The following SNX29 variants were observed in gnomAD, a reference collection of about 807,000 sequenced individuals.
The protein encoded by SNX29 is sorting nexin 29, also known as sorting nexin-29.
Under a neutral mutation model 102.1 loss-of-function variants are expected in SNX29, and 78 were observed. The ratio of observed to expected loss-of-function variants is 0.76; its 90% confidence interval spans 0.64 to 0.92. The LOEUF (loss-of-function observed/expected upper bound fraction) is 0.92, where lower values mean the gene tolerates loss of function less well. SNX29 is among the 40% of genes least tolerant of loss of function. SNX29 has a pLI of 0.00. For missense variants in SNX29, 1,280 were observed against 1,061.7 expected, an observed-to-expected ratio of 1.21 and a Z score of -2.86; for synonymous variants, 580 against 414.5, an observed-to-expected ratio of 1.40 and a Z score of -4.85.
intron 15 of SNX29, among the ~76,000 whole-genome samples, chr16:12,315,887 T>G (rs1359466361): frequency 6.6e-6 from 1 of 152,244 alleles, no homozygotes; most frequent in African/African-American, 2.4e-5. Flanking sequence ...AGGAGGCATC[T>G]CTTCTGGGTC....
chr16:12,055,860 A>G (rs933549277), intron 8 of SNX29, among the ~76,000 whole-genome samples: 1 of 152,202 alleles, frequency 6.6e-6, no homozygotes, highest in Non-Finnish European at 1.5e-5. Context: ...AAATTGACAC[A>G]TACAATTAAC....
In SNX29 at chr16:11,997,480, C is replaced by CT. The variant is rs55693728; in HGVS notation, c.8-1802dup. 7.7e-3 allele frequency among the ~76,000 whole-genome samples: 1,105 copies of CT among 144,118 alleles called. 13 individuals are homozygous for CT. The highest frequency in any genetic ancestry group is 0.013 in the African/African-American group (532 of 39,430). The allele number at this position is 144,118 out of a possible 152,430, so 94.5% of individuals were successfully genotyped here. A position where few individuals can be genotyped will look rare whatever the true frequency, so the allele number is the denominator to read the frequency against. On this transcript the variant is annotated intron_variant, in intron 1 of 20. Coordinates refer to ENST00000566228, the MANE Select transcript of SNX29 (RefSeq NM_032167.5). ...TTTCATTGATTAGTTTACATTTATA[C>CT]TTTTTTTTTTTTTTTGAGATAGGGC... is the stretch of plus-strand genomic sequence containing the variant.
At chr16:11,994,564 C>G (rs1172809414) in intron 1 of SNX29, among the ~76,000 whole-genome samples, 1 of 152,210 alleles carries the variant, frequency 6.6e-6, no homozygotes, top group African/African-American at 2.4e-5. Flanking sequence ...GAGTCTAGCC[C>G]TGGGTAAAGG....
At chr16:12,522,064 C>T (rs1434793731) in intron 19 of SNX29, among the ~76,000 whole-genome samples, 3 of 152,118 alleles carry the variant, frequency 2.0e-5, no homozygotes, top group South Asian at 2.1e-4. Flanking sequence ...CCCCGAGGGG[C>T]CCCTGCTGGC....
chr16:12,568,573 TCCCGGGGTCAGC>T lies in SNX29; in HGVS notation c.2393_2404del (p.Gly798_Arg801del), dbSNP rs1299208349. ...AGCAGCTTCCCGCTTCCCCAAACTG[TCCCGGGGTCAGC>T]CCCGGGAGACCCGCAACGTGGAGCC... On this transcript the variant is annotated inframe_deletion, in exon 21 of 21. Coordinates refer to ENST00000566228, the MANE Select transcript of SNX29 (RefSeq NM_032167.5). The T allele has an allele frequency of 1.2e-6, 2 of 1,607,842 alleles. No individual in the cohort carries two copies. The highest frequency in any genetic ancestry group is 1.7e-6 in the Non-Finnish European group (2 of 1,179,808).
chr16:12,525,980 G>A, intron 20 of SNX29, among the ~76,000 whole-genome samples: 1 of 152,188 alleles, frequency 6.6e-6, no homozygotes, highest in African/African-American at 2.4e-5. Flanking sequence ...TTGGAATTAG[G>A]GGAACCAAAA....
chr16:12,230,256 A>G (rs2077729277), intron 14 of SNX29, among the ~76,000 whole-genome samples: 1 of 152,262 alleles, frequency 6.6e-6, no homozygotes, highest in Non-Finnish European at 1.5e-5. Context: ...GCTTGTTCTT[A>G]AACTTGAGAA....
At chr16:12,196,602 A>G (rs1265609993) in intron 13 of SNX29, among the ~76,000 whole-genome samples, 6 of 144,538 alleles carry the variant, frequency 4.2e-5, no homozygotes. Flanking sequence ...CACTTTTTTT[A>G]CTTTTCTTTT....
chr16:12,082,963 G>C (rs2051982454), intron 11 of SNX29, among the ~76,000 whole-genome samples: 1 of 152,014 alleles, frequency 6.6e-6, no homozygotes, highest in Non-Finnish European at 1.5e-5. Context: ...TATTTGCTTG[G>C]GCTACCATAA....
At chr16:12,241,391 G>T (rs748701680) in intron 14 of SNX29, among the ~76,000 whole-genome samples, 21 of 152,200 alleles carry the variant, frequency 1.4e-4, no homozygotes, top group South Asian at 4.2e-4. Flanking sequence ...ACAATGGCAT[G>T]ATCAAGGACT....
At chr16:12,558,218 G>A (rs185674954) in intron 20 of SNX29, among the ~76,000 whole-genome samples, 18 of 67,252 alleles carry the variant, frequency 2.7e-4, no homozygotes, top group Non-Finnish European at 5.4e-4. Flanking sequence ...AACCATCACA[G>A]AGCCTCTCTT....
chr16:12,485,751 T>C (rs1486885832), intron 19 of SNX29, among the ~76,000 whole-genome samples: 1 of 152,140 alleles, frequency 6.6e-6, no homozygotes, highest in Non-Finnish European at 1.5e-5. Context: ...GGCAGTCTTG[T>C]AGGGAGGATG....
rs184965587 is a variant in SNX29, at chr16:12,262,740, C to T, written c.1679-15193C>T. ...GCACTTTCTGTGCTCTGGACTTAGG[C>T]ATTTGAATTGTTTTAATGCAGATGG... On this transcript the variant is annotated intron_variant, in intron 14 of 20. Coordinates refer to ENST00000566228, the MANE Select transcript of SNX29 (RefSeq NM_032167.5). Among the ~76,000 whole-genome samples, 62 of 152,322 alleles carry T rather than the reference C, an allele frequency of 4.1e-4. 1 individual carries two copies. The East Asian group carries it at 0.01, about 25-fold the overall frequency.
chr16:12,403,375 C>T, intron 17 of SNX29, 73 bp from the exon 18 acceptor site: 1 of 1,449,872 alleles, frequency 6.9e-7, no homozygotes. Flanking sequence ...TGTCTCCTTT[C>T]CTCTTTTTTA....
At chr16:12,561,678 C>G (rs148605810) in intron 20 of SNX29, among the ~76,000 whole-genome samples, 2 of 152,024 alleles carry the variant, frequency 1.3e-5, no homozygotes, top group Non-Finnish European at 2.9e-5. Context: ...TGCCCTCACA[C>G]ACAGACCCCC....
Position 12,527,158 on chromosome 16 carries a change from C to G in SNX29, c.2318+2317C>G, listed in dbSNP as rs768531048. On this transcript the variant is annotated intron_variant, in intron 20 of 20. Coordinates refer to ENST00000566228, the MANE Select transcript of SNX29 (RefSeq NM_032167.5). ...ATCCCACAGCCCCCTTCTCCTTCTT[C>G]CTTTTTGAGCAGGATGGGATTACAG... 9.2e-5 allele frequency: 48 copies of G among 519,716 alleles called. 3 individuals carry two copies. Among genetic ancestry groups the G allele is most frequent in the South Asian group, 7.0e-4 (45 of 64,256 alleles). The allele number at this position is 519,716 out of a possible 1,614,324, so 32.2% of individuals were successfully genotyped here.
intron 19 of SNX29, among the ~76,000 whole-genome samples, chr16:12,519,956 C>G (rs1486199789): frequency 6.6e-6 from 1 of 151,894 alleles, no homozygotes; most frequent in African/African-American, 2.4e-5. Flanking sequence ...TGCACTCCAG[C>G]CTGGGCGACA....
At chr16:12,552,687 G>A (rs1448725486) in intron 20 of SNX29, among the ~76,000 whole-genome samples, 2 of 152,212 alleles carry the variant, frequency 1.3e-5, no homozygotes, top group Non-Finnish European at 2.9e-5. Context: ...GTTTACAAGG[G>A]TCGGGGGAAG....
chr16:12,541,591 C>T (rs149083709), intron 20 of SNX29, among the ~76,000 whole-genome samples: 158 of 152,284 alleles, frequency 1.0e-3, no homozygotes, highest in African/African-American at 3.7e-3. Context: ...AGACCTCAAC[C>T]CTGAGGTCAC....
Sources: allele counts gnomAD v4.1 joint callset (sites outside exome capture counted in the v4.1 genomes callset), GRCh38; gene constraint gnomAD v4.1.1; transcripts MANE v1.5; gene names NCBI Gene and HGNC (gene_info 2026-07-23, HGNC 2026-07-21).